Variants in PRICKLE3 observed in about 807,000 individuals in gnomAD.
PRICKLE3 encodes LIM domain only protein 6.
Under a neutral mutation model 33.8 loss-of-function variants are expected in PRICKLE3, and 17 were observed. The observed-to-expected ratio is 0.50, with a 90% CI of 0.34 to 0.75. The LOEUF (loss-of-function observed/expected upper bound fraction) is 0.75. PRICKLE3 is among the 30% of genes least tolerant of loss of function. The probability of loss-of-function intolerance (pLI) is 0.01; values close to 1 mark genes in which losing one functional copy is unlikely to be tolerated. For synonymous variants in PRICKLE3, 211 were observed against 219.6 expected, an observed-to-expected ratio of 0.96 and a Z score of 0.34; for missense variants, 573 against 576.7, an observed-to-expected ratio of 0.99 and a Z score of 0.07.
rs1006399805 is a variant in PRICKLE3, at chrX:49,175,392, G to A, written c.*281C>T. On this transcript the variant is annotated 3_prime_UTR_variant, in exon 9 of 9. Coordinates refer to ENST00000599218, the MANE Select transcript of PRICKLE3 (RefSeq NM_006150.5). ...AAAAATTAGCTGGGAACGCTGACAC[G>A]AGCCTGGAGTCCCAGCTACTTGGGA... is the stretch of plus-strand genomic sequence containing the variant. 5 of 308,165 alleles carry A rather than the reference G, an allele frequency of 1.6e-5. No homozygotes were observed. The highest frequency in any genetic ancestry group is 5.8e-5 in the Admixed American group (1 of 17,377). The allele number at this position is 308,165 out of a possible 1,213,427, so 25.4% of individuals were successfully genotyped here. A position where few individuals can be genotyped will look rare whatever the true frequency, so the allele number is the denominator to read the frequency against.
intron 4 of PRICKLE3, 62 bp from the exon 5 acceptor site, chrX:49,179,450 A>T: frequency 8.4e-7 from 1 of 1,184,037 alleles, no homozygotes; most frequent in Non-Finnish European, 1.1e-6. Flanking sequence ...CCTCTTCCAG[A>T]CTTCATCCAT....
In PRICKLE3 at chrX:49,175,643, G is replaced by A. The variant is rs1569526082; in HGVS notation, c.*30C>T. The A allele has an allele frequency of 8.6e-7, 1 of 1,164,649 alleles. No individual in the cohort carries two copies. The highest frequency in any genetic ancestry group is 2.2e-5 in the Admixed American group (1 of 45,034). On this transcript the variant is annotated 3_prime_UTR_variant, in exon 9 of 9. Coordinates refer to ENST00000599218, the MANE Select transcript of PRICKLE3 (RefSeq NM_006150.5). The stretch of plus-strand genomic sequence containing the variant: ...GGCCTCATCATCTACTCTGACTGGA[G>A]AATGGAGCCCCCTCCAGGACGGCCT...
Position 49,175,651 on chromosome X carries a change from C to G in PRICKLE3, c.*22G>C. The G allele has an allele frequency of 8.5e-7, 1 of 1,177,708 alleles. No individual in the cohort carries two copies. Among genetic ancestry groups the G allele is most frequent in the Non-Finnish European group, 1.1e-6 (1 of 870,366 alleles). On this transcript the variant is annotated 3_prime_UTR_variant, in exon 9 of 9. Transcript: ENST00000599218. ...CATCTACTCTGACTGGAGAATGGAG[C>G]CCCCTCCAGGACGGCCTGCCTTCAA...
chrX:49,179,976 A>G, intron 3 of PRICKLE3, 170 bp from the exon 4 acceptor site: 1 of 377,934 alleles, frequency 2.6e-6, no homozygotes, highest in Non-Finnish European at 4.5e-6. Context: ...CCCAGCTCCC[A>G]AACACGCTGA....
Position 49,175,337 on chromosome X carries a change from T to C in PRICKLE3, c.*336A>G, listed in dbSNP as rs1410564308. 1 of 216,871 alleles carries C rather than the reference T, an allele frequency of 4.6e-6. No individual in the cohort carries two copies. Among genetic ancestry groups the C allele is most frequent in the African/African-American group, 3.0e-5 (1 of 33,773 alleles). 17.9% of individuals were successfully genotyped at this position (216,871 alleles called of 1,213,427 possible). A position where few individuals can be genotyped will look rare whatever the true frequency, so the allele number is the denominator to read the frequency against. ...GAGTTCTAGACCAGCCTGGGCAACA[T>C]GGCAAAACCCCATCTCTACCAAAAA... On this transcript the variant is annotated 3_prime_UTR_variant, in exon 9 of 9. Transcript: ENST00000599218.
Position 49,176,907 on chromosome X carries a change from C to A in PRICKLE3, c.1251G>T (p.Ala417=), listed in dbSNP as rs144206056. 5.0e-6 allele frequency: 6 copies of A among 1,190,618 alleles called. No individual in the cohort carries two copies. The highest frequency in any genetic ancestry group is 2.4e-5 in the Admixed American group (1 of 41,930). The change falls in exon 8 of 9, where the codon GCG becomes GCT. Residue 417 remains alanine, a synonymous_variant. Transcript: ENST00000599218. ...TTTKGTSTEL[A]PATGPEEPSR... The stretch of plus-strand genomic sequence containing the variant: ...GTGGCTAGAGGGTTAGCTCACCTGG[C>A]GCTAACTCTGTGCTGGTGCCTTTGG...
rs781954002 is a variant in PRICKLE3, at chrX:49,178,106, C to T, written c.842G>A (p.Cys281Tyr). ...GCGCTGCCCTCCTAGTGAAGCTTCA[C>T]ACTCAAAGCAGCAGAAGTGATCCAT... is the stretch of plus-strand genomic sequence containing the variant. Reference protein sequence around the residue: ...WHMDHFCCFECEASLGGQRYV... With the variant: ...WHMDHFCCFEYEASLGGQRYV... The change falls in exon 7 of 9, where the codon TGT becomes TAT. Residue 281 changes from cysteine (C) to tyrosine (Y), a missense_variant. Physicochemically the swap from Cys to Tyr is radical, Grantham distance 194. Coordinates refer to ENST00000599218, the MANE Select transcript of PRICKLE3 (RefSeq NM_006150.5). 2 of 1,183,250 alleles carry T rather than the reference C, an allele frequency of 1.7e-6. No individual in the cohort carries two copies. The highest frequency in any genetic ancestry group is 2.3e-6 in the Non-Finnish European group (2 of 879,445).
chrX:49,175,734 G>A lies in PRICKLE3; in HGVS notation c.1787C>T (p.Pro596Leu). ...AGGCATCCCTGCGCGAGAGTCCCTG[G>A]GGAGCGATAAAGATGGGGAGTTGAA... ...ETFNSPSLSL[P>L]RDSRAGMPRQ... The change falls in exon 9 of 9, where the codon CCC becomes CTC. Residue 596 changes from proline (P) to leucine (L), a missense_variant. Transcript: ENST00000599218. 1 of 1,211,886 alleles carries A rather than the reference G, an allele frequency of 8.3e-7. No individual in the cohort carries two copies. Among genetic ancestry groups the A allele is most frequent in the East Asian group, 3.0e-5 (1 of 33,828 alleles).
chrX:49,176,402 G>A (rs2065417771), intron 8 of PRICKLE3, 137 bp from the exon 9 acceptor site: 2 of 481,939 alleles, frequency 4.1e-6, no homozygotes, highest in Admixed American at 4.5e-5. Flanking sequence ...ATGGCAGGGA[G>A]GTGGGAAGTC....
chrX:49,186,244 A>T lies in PRICKLE3; in HGVS notation c.42+12T>A. The T allele has an allele frequency of 8.7e-7, 1 of 1,154,000 alleles. No individual in the cohort carries two copies. Among genetic ancestry groups the T allele is most frequent in the African/African-American group, 1.8e-5 (1 of 55,087 alleles). The stretch of plus-strand genomic sequence containing the variant: ...ACCCCCGACCCCCACCGCTGCCCTG[A>T]CTCCCGCTCACCGCACGCCCGGAGC... On this transcript the variant is annotated intron_variant, in intron 1 of 8. Coordinates refer to ENST00000599218, the MANE Select transcript of PRICKLE3 (RefSeq NM_006150.5).
At chrX:49,185,877 G>A (rs2065480499) in intron 1 of PRICKLE3, among the ~76,000 whole-genome samples, 1 of 98,549 alleles carries the variant, frequency 1.0e-5, no homozygotes, top group African/African-American at 3.8e-5. Flanking sequence ...CTCCAGCCTG[G>A]GTGACAGAGA....
At chrX:49,179,908 G>A in intron 3 of PRICKLE3, 102 bp from the exon 4 acceptor site, 1 of 462,233 alleles carries the variant, frequency 2.2e-6, no homozygotes, top group Non-Finnish European at 3.7e-6. Flanking sequence ...AAGGCATTAG[G>A]AGGGACCTTC....
At chrX:49,180,035 C>CTTTTTTTTT (rs150588040) in intron 3 of PRICKLE3, among the ~76,000 whole-genome samples, 4 of 54,384 alleles carry the variant, frequency 7.4e-5, no homozygotes, top group Non-Finnish European at 1.2e-4. Context: ...TGCTGATCAC[C>CTTTTTTTTT]TTTTTTTTTT....
At position 49,186,286 on chromosome X, in the gene PRICKLE3, A is replaced by G. The variant is rs2065483008; in HGVS notation, c.12T>C (p.Arg4=). MFA[R]GSRRRRSGRA... ...GCCCGGAGCGGCGCCTCCGGGACCC[A>G]CGCGCGAACATGGCGCGCCCGGGCA... is the stretch of plus-strand genomic sequence containing the variant. Residue 4 remains arginine (R), a synonymous_variant, in exon 1 of 9, where the codon CGT becomes CGC. Transcript: ENST00000599218. The G allele has an allele frequency of 8.7e-7, 1 of 1,148,593 alleles. No individual in the cohort carries two copies. Among genetic ancestry groups the G allele is most frequent in the Non-Finnish European group, 1.2e-6 (1 of 864,889 alleles). 94.7% of individuals were successfully genotyped at this position (1,148,593 alleles called of 1,213,427 possible).
Position 49,176,956 on chromosome X carries a change from A to T in PRICKLE3, c.1202T>A (p.Val401Glu). Residue 401 changes from valine to glutamate, a missense_variant, in exon 8 of 9, where the codon GTG becomes GAG. Val to Glu is a moderately radical substitution (Grantham distance 121, BLOSUM62 -2). Coordinates refer to ENST00000599218, the MANE Select transcript of PRICKLE3 (RefSeq NM_006150.5). ...LAASTASFSA[V>E]KGASETTTKG... ...GGTGGTGGTCTCTGATGCCCCCTTCACAGCAGAGAAAGAGGCTGTGGAGGC... is the reference window on the plus strand; with the variant it reads ...GGTGGTGGTCTCTGATGCCCCCTTCTCAGCAGAGAAAGAGGCTGTGGAGGC... 1.7e-6 allele frequency: 2 copies of T among 1,209,546 alleles called. No homozygotes were observed. Among genetic ancestry groups the T allele is most frequent in the Non-Finnish European group, 2.2e-6 (2 of 894,602 alleles).
chrX:49,182,825 A>AT lies in PRICKLE3; in HGVS notation c.312+908dup, dbSNP rs34181703. On this transcript the variant is annotated intron_variant, in intron 3 of 8. Transcript: ENST00000599218. ...CAGAATCTACCCTCTGCCTGGGCAG[A>AT]TTTTTTTTTTTTTTTTTTTGAGAAG... Among the ~76,000 whole-genome samples, 328 of 72,822 alleles carry AT rather than the reference A, an allele frequency of 4.5e-3. 2 individuals carry two copies. Among genetic ancestry groups the AT allele is most frequent in the African/African-American group, 0.013 (260 of 19,970 alleles). 63.2% of individuals were successfully genotyped at this position (72,822 alleles called of 115,157 possible).
At chrX:49,177,645 G>C (rs2065426536) in intron 7 of PRICKLE3, among the ~76,000 whole-genome samples, 1 of 111,728 alleles carries the variant, frequency 9.0e-6, no homozygotes, top group Non-Finnish European at 1.9e-5. Context: ...AGCTAGGCCT[G>C]ACTTAGGCTG....
chrX:49,178,169 GAGA>G lies in PRICKLE3; in HGVS notation c.776_778del (p.Phe259del). ...GCCCTCAGCCTCCGTGCACTCAGGG[GAGA>G]AGATGATCTGGAGGGCGCAGGCCAT... On this transcript the variant is annotated inframe_deletion, in exon 7 of 9. Coordinates refer to ENST00000599218, the MANE Select transcript of PRICKLE3 (RefSeq NM_006150.5). The G allele has an allele frequency of 1.7e-6, 2 of 1,187,368 alleles. No homozygotes were observed. The highest frequency in any genetic ancestry group is 2.3e-6 in the Non-Finnish European group (2 of 880,318).
chrX:49,184,908 G>A, intron 1 of PRICKLE3, 198 bp from the exon 2 acceptor site: 1 of 1,119,965 alleles, frequency 8.9e-7, no homozygotes, highest in Non-Finnish European at 1.2e-6. Context: ...GGCAGTTGGA[G>A]CCACCTCCTT....
Sources: gnomAD v4.1 joint callset for allele counts (sites outside exome capture counted in the v4.1 genomes callset) on GRCh38, gnomAD v4.1.1 for gene constraint, MANE v1.5 for transcripts, NCBI Gene and HGNC (gene_info 2026-07-23, HGNC 2026-07-21) for gene names.